RIPOR2: variants seen among roughly 807,000 people sequenced by gnomAD.
RIPOR2 encodes RHO family interacting cell polarization regulator 2.
Under a neutral mutation model 114.5 loss-of-function variants are expected in RIPOR2, and 39 were observed. The observed-to-expected ratio is 0.34, with a 90% confidence interval of 0.26 to 0.44. The LOEUF (loss-of-function observed/expected upper bound fraction) is 0.44, where lower values mean the gene tolerates loss of function less well. Ranked by LOEUF, RIPOR2 falls within the 20% of genes least tolerant of loss-of-function variation. RIPOR2 has a pLI of 1.00. For synonymous variants in RIPOR2, 445 were observed against 484.4 expected, an observed-to-expected ratio of 0.92 and a Z score of 1.07; for missense variants, 1,007 against 1,255.1, an observed-to-expected ratio of 0.80 and a Z score of 2.99.
chr6:25,037,316 C>T lies in RIPOR2; in HGVS notation c.76+4535G>A, dbSNP rs929578480. 1.3e-5 allele frequency among the ~76,000 whole-genome samples: 2 copies of T among 152,180 alleles called. No individual in the cohort carries two copies. Among genetic ancestry groups the T allele is most frequent in the African/African-American group, 4.8e-5 (2 of 41,442 alleles). The stretch of plus-strand genomic sequence containing the variant: ...TCTTTCCTTTAATCGCCCACCCCAA[C>T]TGTGGCAGACTAAAGGAAAGAAAGG... On this transcript the variant is annotated intron_variant, in intron 1 of 13. Coordinates refer to the RIPOR2 transcript ENST00000510784. This position sits in a 1 kb window ranked among gnomAD's most constrained non-coding sequence, Gnocchi z 4.5.
intron 1 of RIPOR2, among the ~76,000 whole-genome samples, chr6:24,965,006 T>G (rs1191714932): frequency 6.6e-6 from 1 of 152,232 alleles, no homozygotes; most frequent in African/African-American, 2.4e-5. Flanking sequence ...TTCTAAGATT[T>G]GAGAGTTCTT....
At chr6:24,980,362 A>G (rs1408403136) in intron 1 of RIPOR2, among the ~76,000 whole-genome samples, 1 of 152,240 alleles carries the variant, frequency 6.6e-6, no homozygotes, top group African/African-American at 2.4e-5. Flanking sequence ...ATTTTCCCAT[A>G]TCACCAAGAG....
intron 1 of RIPOR2, among the ~76,000 whole-genome samples, chr6:25,027,153 A>T (rs1269942752): frequency 6.6e-6 from 1 of 152,248 alleles, no homozygotes; most frequent in Non-Finnish European, 1.5e-5. Flanking sequence ...AATAATAAAA[A>T]ATAATTTAGG....
At chr6:24,875,456 A>G (rs893769673) in intron 2 of RIPOR2, among the ~76,000 whole-genome samples, 5 of 152,220 alleles carry the variant, frequency 3.3e-5, no homozygotes, top group African/African-American at 9.7e-5. Flanking sequence ...GTCTATGCAT[A>G]TATCACTAGT....
At chr6:24,910,704 G>C (rs1279641065) in intron 1 of RIPOR2, 11 of 581,584 alleles carry the variant, frequency 1.9e-5, no homozygotes, top group Non-Finnish European at 2.4e-5. Flanking sequence ...CAGTTTCAAC[G>C]GCTGCTTAGC....
At chr6:24,856,886 T>A (rs1297839349) in intron 8 of RIPOR2, among the ~76,000 whole-genome samples, 1 of 152,198 alleles carries the variant, frequency 6.6e-6, no homozygotes, top group Admixed American at 6.5e-5. Context: ...AAAGGGGAAA[T>A]CCTTTGAAGG....
chr6:24,971,154 G>A (rs1773772764), intron 1 of RIPOR2, among the ~76,000 whole-genome samples: 1 of 152,190 alleles, frequency 6.6e-6, no homozygotes, highest in Admixed American at 6.5e-5. Flanking sequence ...AGCAAGAGTG[G>A]CAGTCACCAT....
intron 1 of RIPOR2, among the ~76,000 whole-genome samples, chr6:25,040,795 GT>G (rs1176841903): frequency 6.6e-6 from 1 of 152,044 alleles, no homozygotes; most frequent in Non-Finnish European, 1.5e-5. Flanking sequence ...GTTTCACCAT[GT>G]TGGCCAGGGT....
intron 1 of RIPOR2, among the ~76,000 whole-genome samples, chr6:24,884,543 C>T (rs574131503): frequency 5.9e-5 from 9 of 152,252 alleles, no homozygotes; most frequent in Admixed American, 3.3e-4. Flanking sequence ...AGACAACTGA[C>T]GTGAACGGAT....
chr6:24,849,392 G>A (rs1762632559), intron 11 of RIPOR2, among the ~76,000 whole-genome samples: 1 of 152,202 alleles, frequency 6.6e-6, no homozygotes, highest in African/African-American at 2.4e-5. Context: ...CGATAAAGAG[G>A]AATAAGCATC....
intron 19 of RIPOR2, 101 bp downstream of exon 19, chr6:24,825,125 G>T: frequency 1.1e-6 from 1 of 898,372 alleles, no homozygotes; most frequent in Non-Finnish European, 1.7e-6. Flanking sequence ...TTAATACGCA[G>T]AAAAATTATT....
At chr6:24,819,250 T>C (rs1759449500) in intron 19 of RIPOR2, among the ~76,000 whole-genome samples, 1 of 152,124 alleles carries the variant, frequency 6.6e-6, no homozygotes, top group Admixed American at 6.6e-5. Flanking sequence ...ATAAGAAATC[T>C]ACAAGGTAAG....
At chr6:24,886,516 T>G (rs1234646179) in intron 1 of RIPOR2, among the ~76,000 whole-genome samples, 1 of 152,226 alleles carries the variant, frequency 6.6e-6, no homozygotes, top group Non-Finnish European at 1.5e-5. Context: ...TGGGACAGTT[T>G]CTTGGCAATT....
chr6:24,971,283 G>T (rs529977130), intron 1 of RIPOR2, among the ~76,000 whole-genome samples: 2 of 152,334 alleles, frequency 1.3e-5, no homozygotes, highest in African/African-American at 2.4e-5. Flanking sequence ...AGAAGACTTC[G>T]ATCAGGGAGA....
chr6:24,952,859 T>C (rs1450565352), intron 1 of RIPOR2, among the ~76,000 whole-genome samples: 1 of 152,190 alleles, frequency 6.6e-6, no homozygotes, highest in Non-Finnish European at 1.5e-5. Context: ...AACATACACA[T>C]GTAAATAAGG....
At chr6:25,022,531 CATTTTTTTTT>C (rs1776374416) in intron 1 of RIPOR2, among the ~76,000 whole-genome samples, 4 of 64,510 alleles carry the variant, frequency 6.2e-5, no homozygotes, top group Non-Finnish European at 1.4e-4. Context: ...TGGTACCTTC[CATTTTTTTTT>C]TTTTTTTTTT....
chr6:24,825,922 T>C (rs1760138661), intron 18 of RIPOR2, among the ~76,000 whole-genome samples: 2 of 75,496 alleles, frequency 2.6e-5, no homozygotes, highest in Admixed American at 1.8e-4. Flanking sequence ...TTAATGTTTT[T>C]CTCTTTTTTT....
In RIPOR2 at chr6:24,949,479, G is replaced by A. The variant is rs371265463; in HGVS notation, c.77-73662C>T. Reference sequence around the variant, plus strand: ...TGCCCTCTCAGCCTCTGCACGTGAAGGGTCTCAGGGCTTTTCAGGACATCT... The same window carrying A: ...TGCCCTCTCAGCCTCTGCACGTGAAAGGTCTCAGGGCTTTTCAGGACATCT... On this transcript the variant is annotated intron_variant, in intron 1 of 13. Transcript: ENST00000510784. Among the ~76,000 whole-genome samples, 37 of 152,300 alleles carry A rather than the reference G, an allele frequency of 2.4e-4. 3 individuals are homozygous for A. The South Asian group carries it at 7.7e-3, about 32-fold the overall frequency.
chr6:25,032,121 C>T (rs1021497310), intron 1 of RIPOR2, among the ~76,000 whole-genome samples: 15 of 151,082 alleles, frequency 9.9e-5, no homozygotes, highest in Admixed American at 8.6e-4. Context: ...GGTTCTTTGC[C>T]GACTCACTTA....
Sources: gnomAD v4.1 joint callset for allele counts (sites outside exome capture counted in the v4.1 genomes callset) on GRCh38, gnomAD v4.1.1 for gene constraint, Gnocchi (gnomAD v3.1) non-coding constraint, MANE v1.5 for transcripts, NCBI Gene and HGNC (gene_info 2026-07-23, HGNC 2026-07-21) for gene names.